Variants in MAK observed in about 807,000 individuals in gnomAD.
MAK encodes the protein male germ cell associated kinase.
A neutral mutation model predicts 82.6 loss-of-function variants in MAK; 65 were observed. The ratio of observed to expected loss-of-function variants is 0.79; its 90% CI spans 0.64 to 0.97. The LOEUF (loss-of-function observed/expected upper bound fraction) is 0.97, where lower values mean the gene tolerates loss of function less well. Ranked by LOEUF, MAK falls within the 50% of genes least tolerant of loss-of-function variation. The pLI, the probability that MAK is intolerant of heterozygous loss-of-function variation, is 0.00. For synonymous variants in MAK, 250 were observed against 274.2 expected (o/e 0.91, Z 0.87); for missense variants, 703 against 780.2 (o/e 0.90, Z 1.18).
At chr6:10,812,334 T>C (rs766529907) in intron 5 of MAK, among the ~76,000 whole-genome samples, 4 of 152,224 alleles carry the variant, frequency 2.6e-5, no homozygotes, top group Non-Finnish European at 4.4e-5. Context: ...TATCTAAACA[T>C]CTAGTGATTC....
chr6:10,806,675 T>G (rs1181462400), intron 6 of MAK, among the ~76,000 whole-genome samples: 1 of 151,978 alleles, frequency 6.6e-6, no homozygotes, highest in African/African-American at 2.4e-5. Flanking sequence ...GTATTTTTAG[T>G]AGAGACTGGG....
At chr6:10,790,873 C>T (rs1298455560) in intron 10 of MAK, among the ~76,000 whole-genome samples, 1 of 152,154 alleles carries the variant, frequency 6.6e-6, no homozygotes, top group African/African-American at 2.4e-5. Flanking sequence ...ACTATCCTTG[C>T]GGTAACGAGT....
At chr6:10,809,057 T>C in intron 5 of MAK, 115 bp from the exon 6 acceptor site, 2 of 984,852 alleles carry the variant, frequency 2.0e-6, no homozygotes, top group Non-Finnish European at 3.1e-6. Context: ...CAAAACATCA[T>C]CTTAGGAAAA....
intron 9 of MAK, among the ~76,000 whole-genome samples, chr6:10,795,312 G>A (rs1775441885): frequency 6.6e-6 from 1 of 151,550 alleles, no homozygotes; most frequent in African/African-American, 2.4e-5. Context: ...TGTGGTGGTG[G>A]GTGCCTATAA....
chr6:10,803,854 A>G lies in MAK; in HGVS notation c.529T>C (p.Tyr177His). ...GCCCACACATCAATGGGAGAACTATAAACTGAAGATCTCAGTAAAACTTCA... is the reference window on the plus strand; with the variant it reads ...GCCCACACATCAATGGGAGAACTATGAACTGAAGATCTCAGTAAAACTTCA... ...APEVLLRSSV[Y>H]SSPIDVWAVG... Residue 177 changes from tyrosine to histidine, a missense_variant, in exon 7 of 15, where the codon TAT (tyrosine) becomes CAT (histidine). Coordinates refer to ENST00000354489, the MANE Select transcript of MAK (RefSeq NM_001242957.3). 6.2e-7 allele frequency: 1 copy of G among 1,614,164 alleles called. No homozygotes were observed. The highest frequency in any genetic ancestry group is 1.1e-5 in the South Asian group (1 of 91,088).
At position 10,818,869 on chromosome 6, in the gene MAK, C is replaced by A; in HGVS notation, c.156+17G>T. 1 of 1,490,172 alleles carries A rather than the reference C, an allele frequency of 6.7e-7. No homozygotes were observed. The highest frequency in any genetic ancestry group is 1.1e-5 in the South Asian group (1 of 87,672). The allele number at this position is 1,490,172 out of a possible 1,614,324, so 92.3% of individuals were successfully genotyped here. On this transcript the variant is annotated intron_variant, in intron 3 of 14. Transcript: ENST00000354489. ...TGTTAAGGCCTTCTCAGGTTCTTTT[C>A]ATCTTTAGGATTTTACCTTAACTTC...
rs1199035605 is a variant in MAK at position 10,793,385 on chromosome 6, A to T, written c.1144-1538T>A. ...CCAAGATCTCACGGTCGTTCTATTCATCATGAAGATTCAGGAGCAAAACAG... is the reference window on the plus strand; with the variant it reads ...CCAAGATCTCACGGTCGTTCTATTCTTCATGAAGATTCAGGAGCAAAACAG... On this transcript the variant is annotated intron_variant, in intron 9 of 14. Transcript: ENST00000354489. The surrounding 1 kb of genome is among the most constrained non-coding windows in gnomAD (Gnocchi z 4.6). Among the ~76,000 whole-genome samples the T allele has an allele frequency of 2.0e-5, 3 of 152,340 alleles. No homozygotes were observed. The highest frequency in any genetic ancestry group is 4.8e-5 in the African/African-American group (2 of 41,588).
chr6:10,811,242 G>A (rs551418198), intron 5 of MAK, among the ~76,000 whole-genome samples: 2 of 152,216 alleles, frequency 1.3e-5, no homozygotes, highest in South Asian at 2.1e-4. Context: ...CAAGTGATCC[G>A]CCTGCCTTGG....
intron 10 of MAK, among the ~76,000 whole-genome samples, chr6:10,789,969 T>C (rs1774933936): frequency 6.6e-6 from 1 of 152,198 alleles, no homozygotes; most frequent in African/African-American, 2.4e-5. Flanking sequence ...AAATATCTTA[T>C]TGCACCGTAC....
At chr6:10,794,590 T>C (rs975793274) in intron 9 of MAK, among the ~76,000 whole-genome samples, 3 of 152,152 alleles carry the variant, frequency 2.0e-5, no homozygotes, top group Admixed American at 2.0e-4. Flanking sequence ...TGCAAACACA[T>C]TTGGGAGTGT....
intron 4 of MAK, 45 bp from the exon 5 acceptor site, chr6:10,813,768 C>A: frequency 9.3e-7 from 1 of 1,074,656 alleles, no homozygotes; most frequent in South Asian, 1.2e-5. Context: ...AGCAACCAGC[C>A]AACCAATCCA....
At chr6:10,770,333 C>A in intron 13 of MAK, 103 bp from the exon 14 acceptor site, 1 of 1,359,356 alleles carries the variant, frequency 7.4e-7, no homozygotes, top group Non-Finnish European at 1.0e-6. Flanking sequence ...TATTTTTCAG[C>A]ATCTACTATG....
At chr6:10,778,862 T>G (rs1773695720) in intron 11 of MAK, among the ~76,000 whole-genome samples, 1 of 152,132 alleles carries the variant, frequency 6.6e-6, no homozygotes, top group South Asian at 2.1e-4. Context: ...GTGCGGTGGC[T>G]CATGCCTGTA....
intron 6 of MAK, among the ~76,000 whole-genome samples, chr6:10,805,452 T>C (rs1274507677): frequency 2.0e-5 from 3 of 151,042 alleles, no homozygotes; most frequent in Admixed American, 1.3e-4. Context: ...CTGGGTGTAG[T>C]GGTGGGCGTC....
intron 5 of MAK, among the ~76,000 whole-genome samples, chr6:10,812,003 C>A (rs887069286): frequency 6.6e-6 from 1 of 151,980 alleles, no homozygotes; most frequent in Non-Finnish European, 1.5e-5. Context: ...AGTTCAAGAC[C>A]AGCCTGGGAA....
At chr6:10,818,509 G>A (rs1475671378) in intron 3 of MAK, among the ~76,000 whole-genome samples, 1 of 151,828 alleles carries the variant, frequency 6.6e-6, no homozygotes, top group African/African-American at 2.4e-5. Flanking sequence ...AGCTACTCGG[G>A]AAGCTGAAGC....
At chr6:10,791,558 C>T (rs1775085687) in intron 10 of MAK, 117 bp downstream of exon 10, 2 of 935,642 alleles carry the variant, frequency 2.1e-6, no homozygotes, top group East Asian at 2.6e-5. Context: ...TGAGCCACTA[C>T]ACCTGGCCTG....
At chr6:10,819,505 G>A (rs571387500) in intron 2 of MAK, among the ~76,000 whole-genome samples, 1 of 151,952 alleles carries the variant, frequency 6.6e-6, no homozygotes, top group East Asian at 2.0e-4. Context: ...GGTGGCAGGC[G>A]CCTGTAGTCC....
Position 10,830,567 on chromosome 6 carries a change from C to T in MAK, c.82G>A (p.Glu28Lys). 1 of 1,614,034 alleles carries T rather than the reference C, an allele frequency of 6.2e-7. No individual in the cohort carries two copies. Among genetic ancestry groups the T allele is most frequent in the Non-Finnish European group, 8.5e-7 (1 of 1,179,936 alleles). The change falls in exon 2 of 15, where the codon GAG becomes AAG. Residue 28 changes from glutamate to lysine, a missense_variant. Transcript: ENST00000354489. ...CAGTACCTTTTGATGGCCACCAGCT[C>T]CCCGGATTCATTACTCTTGCCCATA... ...VLMGKSNESG[E>K]LVAIKRMKRK...
Sources: allele counts gnomAD v4.1 joint callset (sites outside exome capture counted in the v4.1 genomes callset), GRCh38; gene constraint gnomAD v4.1.1; non-coding constraint Gnocchi (gnomAD v3.1); transcripts MANE v1.5; gene names NCBI Gene and HGNC (gene_info 2026-07-23, HGNC 2026-07-21).